Variants in PABPC4 observed in about 807,000 individuals in gnomAD.
The protein encoded by PABPC4 is polyadenylate-binding protein 4.
PABPC4 carries 15 observed loss-of-function variants against 74.5 expected under a neutral mutation model. That is an observed-to-expected ratio of 0.20 (90% CI 0.13 to 0.31). PABPC4 has a LOEUF of 0.31. PABPC4 is among the 10% of genes least tolerant of loss of function. PABPC4 has a pLI of 1.00. For missense variants in PABPC4, 610 were observed against 853.5 expected, an observed-to-expected ratio of 0.71 and a Z score of 3.55; for synonymous variants, 345 against 303.0, an observed-to-expected ratio of 1.14 and a Z score of -1.44.
At chr1:39,572,644 C>T (rs2124466738) in intron 1 of PABPC4, 58 bp from the exon 2 acceptor site, 2 of 1,367,268 alleles carry the variant, frequency 1.5e-6, no homozygotes. Context: ...CACAGGCCAA[C>T]AGCCTAAGAA....
intron 7 of PABPC4, among the ~76,000 whole-genome samples, chr1:39,565,888 C>CAA (rs202188650): frequency 6.6e-6 from 1 of 151,246 alleles, no homozygotes; most frequent in African/African-American, 2.4e-5. Context: ...ACCAAACCAA[C>CAA]AAAAAAAACA....
chr1:39,567,710 G>T, intron 7 of PABPC4, 41 bp downstream of exon 7: 1 of 958,352 alleles, frequency 1.0e-6, no homozygotes, highest in Non-Finnish European at 1.7e-6. Flanking sequence ...AGCCTATAAT[G>T]GAATACCACT....
Position 39,575,742 on chromosome 1 carries a change from GC to G in PABPC4, c.193+16del, listed in dbSNP as rs770173389. ...CCTCCGGGCTCCCACGCACGTGTGG[GC>G]ACAGCTTCTACTCACCGTCGGCCGG... On this transcript the variant is annotated intron_variant, in intron 1 of 15. Transcript: ENST00000372858. 20 of 1,559,506 alleles carry G rather than the reference GC, an allele frequency of 1.3e-5. No homozygotes were observed. The African/African-American group carries it at 2.8e-4, about 22-fold the overall frequency.
intron 7 of PABPC4, among the ~76,000 whole-genome samples, chr1:39,566,078 C>T (rs1005649129): frequency 6.6e-6 from 1 of 152,044 alleles, no homozygotes; most frequent in Non-Finnish European, 1.5e-5. Flanking sequence ...TTCTTTGAGT[C>T]CCCAGGTGAT....
rs1646029561 is a variant in PABPC4 at position 39,576,555 on chromosome 1, C to G, written c.-604G>C. ...GCGGGCCGGGCGGGCGGCTCACCCC[C>G]GGACCGACGGACGGAGACCGACGGA... On this transcript the variant is annotated 5_prime_UTR_variant, in exon 1 of 16. Transcript: ENST00000372858. The G allele has an allele frequency of 6.7e-6, 1 of 149,616 alleles. No homozygotes were observed. Among genetic ancestry groups the G allele is most frequent in the African/African-American group, 2.4e-5 (1 of 40,992 alleles). 9.3% of individuals were successfully genotyped at this position (149,616 alleles called of 1,614,324 possible).
intron 8 of PABPC4, 67 bp downstream of exon 8, chr1:39,565,038 TC>T: frequency 6.5e-7 from 1 of 1,535,520 alleles, no homozygotes. Flanking sequence ...AAAATCCCTC[TC>T]CCCAACCACT....
intron 15 of PABPC4, 183 bp downstream of exon 15, chr1:39,561,502 G>A (rs544046858): frequency 3.4e-6 from 2 of 590,628 alleles, no homozygotes; most frequent in East Asian, 2.9e-5. Context: ...TCAAGCTCCT[G>A]CAGACAAAGT....
rs1330444880 is a variant in PABPC4, at chr1:39,575,775, G to T, written c.177C>A (p.Phe59Leu). ...TCTACTCACCGTCGGCCGGCTGCTG[G>T]AAGTTGACGTAGGCATAGCCCAGGG... The part of the protein sequence containing the change: ...RRSLGYAYVN[F>L]QQPADAERAL... The change falls in exon 1 of 16, where the codon TTC becomes TTA. Residue 59 changes from phenylalanine (F) to leucine (L), a missense_variant. Physicochemically the swap from Phe to Leu is conservative, Grantham distance 22 (BLOSUM62 0). This residue lies in a region of PABPC4 where 304 missense variants were observed against 478.9 expected (regional missense o/e 0.63). Transcript: ENST00000372858. The T allele has an allele frequency of 6.3e-7, 1 of 1,597,774 alleles. No individual in the cohort carries two copies. The highest frequency in any genetic ancestry group is 8.5e-7 in the Non-Finnish European group (1 of 1,171,020).
At chr1:39,572,230 A>G (rs2242500) in intron 2 of PABPC4, among the ~76,000 whole-genome samples, 163 bp downstream of exon 2, 46,726 of 152,026 alleles carry the variant, frequency 0.31, 7,563 homozygotes, top group East Asian at 0.45. Context: ...TACGCTGGGT[A>G]TGGCCCTGAG....
rs760670754 is a variant in PABPC4, at chr1:39,564,469, A to T, written c.1407T>A (p.Gly469=). 19 of 1,614,222 alleles carry T rather than the reference A, an allele frequency of 1.2e-5. No homozygotes were observed. Among genetic ancestry groups the T allele is most frequent in the Non-Finnish European group, 1.6e-5 (19 of 1,180,042 alleles). ...GGAGGCCACGAGAGGCCGGAGCATT[A>T]CCAGTTGGAGCCAGATGGCGAAGAG... is the stretch of plus-strand genomic sequence containing the variant. ...RPTLRHLAPT[G]NAPASRGLPT... The change falls in exon 10 of 16, where the codon GGT becomes GGA. Residue 469 remains glycine (G), a synonymous_variant. Transcript: ENST00000372858.
rs1477239829 is a variant in PABPC4, at chr1:39,563,690, G to C, written c.1592C>G (p.Ala531Gly). The C allele has an allele frequency of 6.2e-7, 1 of 1,614,290 alleles. No homozygotes were observed. The highest frequency in any genetic ancestry group is 1.7e-5 in the Admixed American group (1 of 60,036). ...GTAGGGGGCAACAGCCCGGGGAGCA[G>C]CAGCAGCAACAGCAGCGCGTGGCGC... is the stretch of plus-strand genomic sequence containing the variant. Reference protein sequence around the residue: ...NLAPRAAVAAAAPRAVAPYKY... With the variant: ...NLAPRAAVAAGAPRAVAPYKY... Residue 531 changes from alanine (A) to glycine (G), a missense_variant, in exon 12 of 16, where the codon GCT becomes GGT. Ala to Gly is a moderately conservative substitution (Grantham distance 60). Transcript: ENST00000372858.
Position 39,565,113 on chromosome 1 carries a change from A to C in PABPC4, c.1238T>G (p.Val413Gly). The C allele has an allele frequency of 2.5e-6, 4 of 1,613,790 alleles. No individual in the cohort carries two copies. Among genetic ancestry groups the C allele is most frequent in the Non-Finnish European group, 3.4e-6 (4 of 1,179,994 alleles). The change falls in exon 8 of 16, where the codon GTC (valine) becomes GGC (glycine). Residue 413 changes from valine (V) to glycine (G), a missense_variant. Val to Gly is a moderately radical substitution (Grantham distance 109). This residue lies in a region of PABPC4 where 277 missense variants were observed against 301.8 expected (regional missense o/e 0.92). Transcript: ENST00000372858. Reference protein sequence around the residue: ...PAAGGYFVPAVPQAQGRPPYY... With the variant: ...PAAGGYFVPAGPQAQGRPPYY... ...ACCAAACAGCACACCCACCTGTGGGACTGCTGGCACAAAGTAGCCACCCGC... is the reference window on the plus strand; with the variant it reads ...ACCAAACAGCACACCCACCTGTGGGCCTGCTGGCACAAAGTAGCCACCCGC...
intron 1 of PABPC4, among the ~76,000 whole-genome samples, chr1:39,575,125 C>T (rs1482281283): frequency 6.6e-6 from 1 of 152,210 alleles, no homozygotes; most frequent in East Asian, 1.9e-4. Context: ...AGCCTGGATA[C>T]CATTTGTCCA....
At chr1:39,573,615 T>TC (rs1645973744) in intron 1 of PABPC4, among the ~76,000 whole-genome samples, 1 of 152,140 alleles carries the variant, frequency 6.6e-6, no homozygotes. Flanking sequence ...GGTCAGGAGT[T>TC]CGAGACCAGC....
chr1:39,564,821 T>C (rs984405816), intron 8 of PABPC4, 48 bp from the exon 9 acceptor site: 41 of 1,412,112 alleles, frequency 2.9e-5, no homozygotes, highest in Non-Finnish European at 3.5e-5. Context: ...ACTGAACCCA[T>C]CCTAGAGAAG....
At chr1:39,574,928 G>A (rs951787621) in intron 1 of PABPC4, among the ~76,000 whole-genome samples, 4 of 152,228 alleles carry the variant, frequency 2.6e-5, no homozygotes, top group Non-Finnish European at 5.9e-5. Context: ...GCACTGTGCT[G>A]GGAGTCCTAA....
At position 39,567,854 on chromosome 1, in the gene PABPC4, A is replaced by G; in HGVS notation, c.877-8T>C. 2 of 1,488,214 alleles carry G rather than the reference A, an allele frequency of 1.3e-6. No individual in the cohort carries two copies. The highest frequency in any genetic ancestry group is 1.9e-6 in the Non-Finnish European group (2 of 1,066,324). The allele number at this position is 1,488,214 out of a possible 1,614,324, so 92.2% of individuals were successfully genotyped here. ...AATGTAGAGATTCACCCCCTGAAGGAAAAAGATCACTGTTAACTACACTTC... is the reference window on the plus strand; with the variant it reads ...AATGTAGAGATTCACCCCCTGAAGGGAAAAGATCACTGTTAACTACACTTC... On this transcript the variant is annotated splice_region_variant and splice_polypyrimidine_tract_variant and intron_variant, in intron 6 of 15. Coordinates refer to ENST00000372858, the MANE Select transcript of PABPC4 (RefSeq NM_001135653.2).
intron 15 of PABPC4, 21 bp downstream of exon 15, chr1:39,561,664 A>C (rs1323303264): frequency 6.4e-7 from 1 of 1,560,866 alleles, no homozygotes; most frequent in Non-Finnish European, 8.8e-7. Context: ...TAGGAACAAA[A>C]ATGAAAATAG....
chr1:39,568,926 A>T lies in PABPC4; in HGVS notation c.752T>A (p.Met251Lys). ...HEDANKAVEE[M>K]NGKEISGKII... is the part of the protein sequence containing the mutation. ...TTTACCACTTATTTCTTTTCCATTC[A>T]TCTCTTCCACAGCCTAGAGAGGAAA... is the stretch of plus-strand genomic sequence containing the variant. Residue 251 changes from methionine (M) to lysine (K), a missense_variant, in exon 6 of 16, where the codon ATG becomes AAG. By Grantham distance (95) the Met-to-Lys change is moderately conservative (BLOSUM62 -1). Transcript: ENST00000372858. 1 of 1,613,720 alleles carries T rather than the reference A, an allele frequency of 6.2e-7. No individual in the cohort carries two copies. Among genetic ancestry groups the T allele is most frequent in the Non-Finnish European group, 8.5e-7 (1 of 1,179,928 alleles).
Sources: gnomAD v4.1 joint callset for allele counts (sites outside exome capture counted in the v4.1 genomes callset) on GRCh38, gnomAD v4.1.1 for gene constraint, gnomAD v4.1.1 regional missense constraint, MANE v1.5 for transcripts, NCBI Gene and HGNC (gene_info 2026-07-23, HGNC 2026-07-21) for gene names.